EPS8: variants seen among roughly 807,000 people sequenced by gnomAD.
EPS8 encodes the protein EGFR pathway substrate 8, signaling adaptor.
Under a neutral mutation model 103.8 loss-of-function variants are expected in EPS8, and 42 were observed. The ratio of observed to expected loss-of-function variants is 0.40; its 90% confidence interval spans 0.32 to 0.52. The LOEUF (loss-of-function observed/expected upper bound fraction) is 0.52. EPS8 is among the 20% of genes least tolerant of loss of function. The pLI, the probability that EPS8 is intolerant of heterozygous loss-of-function variation, is 0.40. For synonymous variants in EPS8, 344 were observed against 344.6 expected (o/e 1.00, Z 0.02); for missense variants, 969 against 1,005.1 (o/e 0.96, Z 0.49).
Position 15,665,834 on chromosome 12 carries a change from G to A in EPS8, c.658C>T (p.Pro220Ser), listed in dbSNP as rs1271178723. ...PPPPRAPAPA[P>S]PGTVTQVDVR... ...TCCACCTGGGTGACGGTCCCAGGGG[G>A]CGCAGGGGCAGGAGCTCTGGGTGGA... Residue 220 changes from proline to serine, a missense_variant, in exon 8 of 21, where the codon CCC (proline) becomes TCC (serine). Coordinates refer to ENST00000281172, the MANE Select transcript of EPS8 (RefSeq NM_004447.6). 5.6e-6 allele frequency: 9 copies of A among 1,613,850 alleles called. No homozygotes were observed. The highest frequency in any genetic ancestry group is 7.6e-6 in the Non-Finnish European group (9 of 1,179,960).
intron 13 of EPS8, among the ~76,000 whole-genome samples, chr12:15,652,343 A>G (rs1945429795): frequency 6.6e-6 from 1 of 152,186 alleles, no homozygotes. Context: ...ACAAACGTAC[A>G]TTGACTAGAA....
chr12:15,713,080 C>A lies in EPS8; in HGVS notation c.-21-30108G>T, dbSNP rs1042412913. On this transcript the variant is annotated intron_variant, in intron 1 of 20. Coordinates refer to ENST00000281172, the MANE Select transcript of EPS8 (RefSeq NM_004447.6). The surrounding 1 kb of genome is among the most constrained non-coding windows in gnomAD (Gnocchi z 4.8). ...TTGTTAAGTAAGTAAACACAGCTAC[C>A]ACTACACTTCCAACTCTTGCCTAAG... 1.3e-4 allele frequency: 88 copies of A among 687,422 alleles called. No homozygotes were observed. The highest frequency in any genetic ancestry group is 1.5e-4 in the Non-Finnish European group (81 of 557,920). The allele number at this position is 687,422 out of a possible 1,614,324, so 42.6% of individuals were successfully genotyped here.
chr12:15,623,551 T>C (rs1476867689), intron 19 of EPS8, among the ~76,000 whole-genome samples: 1 of 152,168 alleles, frequency 6.6e-6, no homozygotes, highest in African/African-American at 2.4e-5. Flanking sequence ...ATACCAATTC[T>C]TGGGATTTGG....
chr12:15,679,919 T>C (rs991460733), intron 3 of EPS8, among the ~76,000 whole-genome samples: 2 of 152,234 alleles, frequency 1.3e-5, no homozygotes, highest in Non-Finnish European at 2.9e-5. Flanking sequence ...AAAATCTTTT[T>C]CTGTTATCTT....
Position 15,662,048 on chromosome 12 carries a change from G to T in EPS8, c.788C>A (p.Ala263Glu). 1 of 1,613,702 alleles carries T rather than the reference G, an allele frequency of 6.2e-7. No homozygotes were observed. Among genetic ancestry groups the T allele is most frequent in the Non-Finnish European group, 8.5e-7 (1 of 1,179,620 alleles). The change falls in exon 9 of 21, where the codon GCA (alanine) becomes GAA (glutamate). Residue 263 changes from alanine (A) to glutamate (E), a missense_variant. Physicochemically the swap from Ala to Glu is moderately radical, Grantham distance 107 (BLOSUM62 -1). Coordinates refer to ENST00000281172, the MANE Select transcript of EPS8 (RefSeq NM_004447.6). ...TACCACATCTCTGTCAATGCGGGCT[G>T]CCATCATCTCAGGTGTTTCTTCCTG... ...HEQEETPEMM[A>E]ARIDRDVQIL...
intron 17 of EPS8, among the ~76,000 whole-genome samples, chr12:15,636,689 C>CT (rs1945141094): frequency 6.6e-6 from 1 of 152,118 alleles, no homozygotes; most frequent in South Asian, 2.1e-4. Flanking sequence ...ATGACTGTCC[C>CT]TTTTTTTAAG....
In EPS8 at chr12:15,781,429, C is replaced by A. The variant is rs1258996584; in HGVS notation, c.-22+7732G>T. On this transcript the variant is annotated intron_variant, in intron 1 of 20. Transcript: ENST00000281172. The surrounding 1 kb of genome is among the most constrained non-coding windows in gnomAD (Gnocchi z 4.1). ...GTCAGGGTTCTCATCCCAATTCGGT[C>A]CCTTTCTCCCCATGTGTGACACAAG... Among the ~76,000 whole-genome samples the A allele has an allele frequency of 1.3e-5, 2 of 152,142 alleles. No homozygotes were observed. Among genetic ancestry groups the A allele is most frequent in the African/African-American group, 4.8e-5 (2 of 41,420 alleles).
intron 15 of EPS8, among the ~76,000 whole-genome samples, chr12:15,644,384 T>C (rs559700869): frequency 6.6e-6 from 1 of 152,286 alleles, no homozygotes; most frequent in East Asian, 1.9e-4. Flanking sequence ...CCACTTTTTT[T>C]TCCCCTTGTT....
rs2135997449 is a variant in EPS8, at chr12:15,734,199, T to C, written c.-21-51227A>G. Reference sequence around the variant, plus strand: ...AATGCCTTCAAAAATTTTCAAGTGATGTGTAGTTCTAAAAATGTCAATGCT... The same window carrying C: ...AATGCCTTCAAAAATTTTCAAGTGACGTGTAGTTCTAAAAATGTCAATGCT... On this transcript the variant is annotated intron_variant, in intron 1 of 20. Coordinates refer to ENST00000281172, the MANE Select transcript of EPS8 (RefSeq NM_004447.6). This position sits in a 1 kb window ranked among gnomAD's most constrained non-coding sequence, Gnocchi z 4.1. Among the ~76,000 whole-genome samples, 1 of 152,290 alleles carries C rather than the reference T, an allele frequency of 6.6e-6. No individual in the cohort carries two copies. Among genetic ancestry groups the C allele is most frequent in the East Asian group, 1.9e-4 (1 of 5,188 alleles).
At chr12:15,703,262 T>C (rs1318925691) in intron 1 of EPS8, among the ~76,000 whole-genome samples, 4 of 152,272 alleles carry the variant, frequency 2.6e-5, no homozygotes, top group African/African-American at 9.6e-5. Flanking sequence ...TAAACATACT[T>C]TCTCTCCTCT....
chr12:15,632,223 A>G (rs1414448800), intron 17 of EPS8, among the ~76,000 whole-genome samples: 2 of 152,174 alleles, frequency 1.3e-5, no homozygotes, highest in African/African-American at 2.4e-5. Flanking sequence ...TAAAATGGAA[A>G]TGTCACGGGG....
chr12:15,776,960 T>C lies in EPS8; in HGVS notation c.-22+12201A>G, dbSNP rs1010883808. ...TAACACAAAATGTATTTGCTAGCCA[T>C]TGGATTAAATTATCCCATATTTTTA... On this transcript the variant is annotated intron_variant, in intron 1 of 20. Coordinates refer to ENST00000281172, the MANE Select transcript of EPS8 (RefSeq NM_004447.6). The surrounding 1 kb of genome is among the most constrained non-coding windows in gnomAD (Gnocchi z 4.2). 1.3e-5 allele frequency among the ~76,000 whole-genome samples: 2 copies of C among 152,232 alleles called. No individual in the cohort carries two copies. Among genetic ancestry groups the C allele is most frequent in the East Asian group, 1.9e-4 (1 of 5,200 alleles).
rs1279493643 is a variant in EPS8, at chr12:15,749,531, C to T, written c.-22+39630G>A. 6.6e-6 allele frequency among the ~76,000 whole-genome samples: 1 copy of T among 152,148 alleles called. No homozygotes were observed. Among genetic ancestry groups the T allele is most frequent in the African/African-American group, 2.4e-5 (1 of 41,414 alleles). On this transcript the variant is annotated intron_variant, in intron 1 of 20. Transcript: ENST00000281172. The surrounding 1 kb of genome is among the most constrained non-coding windows in gnomAD (Gnocchi z 4.0). Reference sequence around the variant, plus strand: ...TCCAAAATAGAAAATAATCTCCTTACAAGAAAACACACGCCTTTTGTTTAT... The same window carrying T: ...TCCAAAATAGAAAATAATCTCCTTATAAGAAAACACACGCCTTTTGTTTAT...
At chr12:15,649,607 A>C (rs1378560673) in intron 14 of EPS8, among the ~76,000 whole-genome samples, 1 of 152,146 alleles carries the variant, frequency 6.6e-6, no homozygotes, top group Non-Finnish European at 1.5e-5. Flanking sequence ...CTTCCCTTAT[A>C]ATACAGCCAG....
rs1378969963 is a variant in EPS8 at position 15,725,125 on chromosome 12, T to C, written c.-21-42153A>G. On this transcript the variant is annotated intron_variant, in intron 1 of 20. Transcript: ENST00000281172. The surrounding 1 kb of genome is among the most constrained non-coding windows in gnomAD (Gnocchi z 4.5). ...AGGTAAATGTCATTCTGCATTCCAA[T>C]AGGATACCACCAGTCCACAGATCTG... Among the ~76,000 whole-genome samples, 1 of 152,058 alleles carries C rather than the reference T, an allele frequency of 6.6e-6. No homozygotes were observed.
rs1398226486 is a variant in EPS8, at chr12:15,749,209, T to A, written c.-22+39952A>T. Among the ~76,000 whole-genome samples, 4 of 152,188 alleles carry A rather than the reference T, an allele frequency of 2.6e-5. No homozygotes were observed. Among genetic ancestry groups the A allele is most frequent in the South Asian group, 2.1e-4 (1 of 4,820 alleles). ...TAGGAAACAAGTAATTAAAAAAAAATTTATTCTGGTTTCCAACACTGTCCA... is the reference window on the plus strand; with the variant it reads ...TAGGAAACAAGTAATTAAAAAAAAAATTATTCTGGTTTCCAACACTGTCCA... On this transcript the variant is annotated intron_variant, in intron 1 of 20. Coordinates refer to ENST00000281172, the MANE Select transcript of EPS8 (RefSeq NM_004447.6). The surrounding 1 kb of genome is among the most constrained non-coding windows in gnomAD (Gnocchi z 4.0).
At chr12:15,683,454 T>C (rs11056595) in intron 1 of EPS8, 23,329 of 152,160 alleles carry the variant, frequency 0.15, 2,248 homozygotes, top group Admixed American at 0.24. Context: ...TGCAGTCTTT[T>C]TGCCTACAAG....
intron 1 of EPS8, among the ~76,000 whole-genome samples, chr12:15,746,707 G>T (rs2136013417): frequency 6.6e-6 from 1 of 152,140 alleles, no homozygotes; most frequent in South Asian, 2.1e-4. Context: ...AACTCAATTT[G>T]GTTTCCTTAC....
chr12:15,732,493 A>G (rs1370041724), intron 1 of EPS8, among the ~76,000 whole-genome samples: 1 of 152,200 alleles, frequency 6.6e-6, no homozygotes, highest in Non-Finnish European at 1.5e-5. Context: ...TTTTACAACT[A>G]TAACATTTAA....
Sources: gnomAD v4.1 joint callset for allele counts (sites outside exome capture counted in the v4.1 genomes callset) on GRCh38, gnomAD v4.1.1 for gene constraint, Gnocchi (gnomAD v3.1) non-coding constraint, MANE v1.5 for transcripts, NCBI Gene and HGNC (gene_info 2026-07-23, HGNC 2026-07-21) for gene names.